Variants in SLC35F1 observed in about 807,000 individuals in gnomAD.
The protein encoded by SLC35F1 is chromosome 6 open reading frame 169.
SLC35F1 carries 14 observed loss-of-function variants against 48.7 expected under a neutral mutation model. The observed-to-expected ratio is 0.29, with a 90% CI of 0.19 to 0.45. The LOEUF (loss-of-function observed/expected upper bound fraction) is 0.45, where lower values mean the gene tolerates loss of function less well. Ranked by LOEUF, SLC35F1 falls within the 20% of genes least tolerant of loss-of-function variation. The pLI, the probability that SLC35F1 is intolerant of heterozygous loss-of-function variation, is 1.00. For synonymous variants in SLC35F1, 190 were observed against 202.2 expected (o/e 0.94, Z 0.51); for missense variants, 404 against 500.0 (o/e 0.81, Z 1.83).
At position 118,316,986 on chromosome 6, in the gene SLC35F1, G is replaced by A. The variant is rs1019601068; in HGVS notation, c.*2734G>A. 2.0e-5 allele frequency: 3 copies of A among 152,564 alleles called. No individual in the cohort carries two copies. The highest frequency in any genetic ancestry group is 7.2e-5 in the African/African-American group (3 of 41,438). The allele number at this position is 152,564 out of a possible 1,614,324, so 9.5% of individuals were successfully genotyped here. ...CACTGATCCTTTGGGAATGGGGCGG[G>A]AAATGGGAGTAGGACAACATTAACT... On this transcript the variant is annotated 3_prime_UTR_variant, in exon 8 of 8. Transcript: ENST00000360388.
At chr6:117,944,475 A>T (rs1432638740) in intron 1 of SLC35F1, among the ~76,000 whole-genome samples, 1 of 152,138 alleles carries the variant, frequency 6.6e-6, no homozygotes, top group Non-Finnish European at 1.5e-5. Context: ...AGTTCAAAAT[A>T]TATTGAAAAA....
intron 6 of SLC35F1, among the ~76,000 whole-genome samples, chr6:118,279,191 G>GGTT (rs1312532156): frequency 2.0e-5 from 3 of 152,178 alleles, no homozygotes; most frequent in Admixed American, 2.0e-4. Context: ...ATTAATCAAT[G>GGTT]GTTGAGGTGA....
intron 1 of SLC35F1, among the ~76,000 whole-genome samples, chr6:118,148,019 A>G (rs1774000949): frequency 6.6e-6 from 1 of 152,210 alleles, no homozygotes; most frequent in African/African-American, 2.4e-5. Flanking sequence ...ATAGAAGTCA[A>G]TGGCCTAACT....
At chr6:117,925,931 A>C (rs1010460160) in intron 1 of SLC35F1, among the ~76,000 whole-genome samples, 1 of 152,152 alleles carries the variant, frequency 6.6e-6, no homozygotes, top group Admixed American at 6.5e-5. Context: ...GTCATCATCC[A>C]TTTATTTATT....
At chr6:118,065,393 A>G (rs570764943) in intron 1 of SLC35F1, among the ~76,000 whole-genome samples, 1 of 152,256 alleles carries the variant, frequency 6.6e-6, no homozygotes. Context: ...ACTGTACTAT[A>G]CTGTGTTGCC....
intron 1 of SLC35F1, among the ~76,000 whole-genome samples, chr6:118,010,986 T>C (rs149017205): frequency 2.2e-4 from 33 of 152,292 alleles, no homozygotes; most frequent in Non-Finnish European, 4.7e-4. Flanking sequence ...CATTTTTGGT[T>C]GTTAGAGCCT....
intron 1 of SLC35F1, among the ~76,000 whole-genome samples, chr6:117,949,581 A>G (rs1379039096): frequency 6.6e-6 from 1 of 152,098 alleles, no homozygotes; most frequent in Non-Finnish European, 1.5e-5. Flanking sequence ...CACGGCTCAG[A>G]AAAAAAGCCT....
chr6:117,957,849 A>G (rs1204616811), intron 1 of SLC35F1, among the ~76,000 whole-genome samples: 4 of 152,362 alleles, frequency 2.6e-5, no homozygotes. Flanking sequence ...TAAGTGAACA[A>G]GTTACTGGCT....
chr6:118,202,912 AT>A (rs950710644), intron 2 of SLC35F1, among the ~76,000 whole-genome samples: 2 of 152,170 alleles, frequency 1.3e-5, no homozygotes, highest in Non-Finnish European at 2.9e-5. Context: ...TTGGATGACA[AT>A]TTTTTAAGCA....
intron 3 of SLC35F1, among the ~76,000 whole-genome samples, chr6:118,265,038 C>T (rs1775754909): frequency 6.6e-6 from 1 of 152,220 alleles, no homozygotes; most frequent in African/African-American, 2.4e-5. Flanking sequence ...TTCACGTGGT[C>T]CTTCCTCACC....
At chr6:118,058,224 T>C (rs1020534185) in intron 1 of SLC35F1, among the ~76,000 whole-genome samples, 2 of 152,154 alleles carry the variant, frequency 1.3e-5, no homozygotes, top group Middle Eastern at 3.2e-3. Flanking sequence ...TAAGCGACTA[T>C]GGTAAAAATA....
chr6:118,198,501 A>G (rs953087346), intron 2 of SLC35F1, among the ~76,000 whole-genome samples: 2 of 152,232 alleles, frequency 1.3e-5, no homozygotes, highest in African/African-American at 4.8e-5. Flanking sequence ...AATTAGTGAA[A>G]GGTAAAAAAT....
chr6:118,212,861 T>C (rs1167419366), intron 2 of SLC35F1, among the ~76,000 whole-genome samples: 1 of 152,130 alleles, frequency 6.6e-6, no homozygotes, highest in Non-Finnish European at 1.5e-5. Context: ...ATAATTTATC[T>C]AGTTTTCTTA....
intron 1 of SLC35F1, among the ~76,000 whole-genome samples, chr6:117,926,446 G>C (rs1776029478): frequency 6.6e-6 from 1 of 152,090 alleles, no homozygotes; most frequent in Non-Finnish European, 1.5e-5. Context: ...GATACACACA[G>C]CTATGCTGAC....
intron 1 of SLC35F1, among the ~76,000 whole-genome samples, chr6:118,151,981 A>G (rs1774065145): frequency 2.0e-5 from 3 of 152,090 alleles, no homozygotes; most frequent in Admixed American, 2.0e-4. Flanking sequence ...TCTGAATGGT[A>G]CTGCCTGGCT....
Position 117,907,640 on chromosome 6 carries a change from G to C in SLC35F1, c.-87G>C, listed in dbSNP as rs1582554606. ...CTCCCGGGCCGCGGCCGCCCGGCCG[G>C]GTCCTCTGCGCGTTCCCGGGCCCGG... is the stretch of plus-strand genomic sequence containing the variant. On this transcript the variant is annotated 5_prime_UTR_variant, in exon 1 of 8. Coordinates refer to ENST00000360388, the MANE Select transcript of SLC35F1 (RefSeq NM_001029858.4). The C allele has an allele frequency of 4.0e-6, 3 of 750,396 alleles. No homozygotes were observed. Among genetic ancestry groups the C allele is most frequent in the Non-Finnish European group, 3.8e-6 (2 of 519,666 alleles). The allele number at this position is 750,396 out of a possible 1,614,324, so 46.5% of individuals were successfully genotyped here.
intron 1 of SLC35F1, among the ~76,000 whole-genome samples, chr6:117,939,225 T>A (rs532292670): frequency 5.9e-5 from 9 of 152,246 alleles, no homozygotes; most frequent in African/African-American, 2.2e-4. Context: ...TTACCCAAGC[T>A]ATACTTGAAT....
intron 2 of SLC35F1, among the ~76,000 whole-genome samples, chr6:118,203,849 T>C (rs1261829061): frequency 1.3e-5 from 2 of 152,214 alleles, no homozygotes; most frequent in East Asian, 3.8e-4. Flanking sequence ...ATGTAACAAA[T>C]AGGCTTTTGT....
intron 1 of SLC35F1, among the ~76,000 whole-genome samples, chr6:117,910,303 A>C (rs1289478862): frequency 6.6e-6 from 1 of 152,174 alleles, no homozygotes; most frequent in Non-Finnish European, 1.5e-5. Flanking sequence ...CTCTGGTTTG[A>C]ACCCTCATGA....
Sources: allele counts gnomAD v4.1 joint callset (sites outside exome capture counted in the v4.1 genomes callset), GRCh38; gene constraint gnomAD v4.1.1; transcripts MANE v1.5; gene names NCBI Gene and HGNC (gene_info 2026-07-23, HGNC 2026-07-21).